OPA3: variants seen among roughly 807,000 people sequenced by gnomAD.
OPA3 encodes the protein optic atrophy 3 protein.
In OPA3, 6 loss-of-function variants were observed where a neutral mutation model predicts 4.0. The ratio of observed to expected loss-of-function variants is 1.51; its 90% CI spans 0.83 to 2.99. The LOEUF (loss-of-function observed/expected upper bound fraction) is 2.99, where lower values mean the gene tolerates loss of function less well. Among genes scored for constraint, OPA3 ranks in the 30% most tolerant of loss-of-function variants. The pLI is 0.00. For synonymous variants in OPA3, 105 were observed against 117.1 expected (o/e 0.90, Z 0.67); for missense variants, 235 against 256.2 (o/e 0.92, Z 0.56).
chr19:45,556,908 C>T (rs888635869), intron 1 of OPA3, among the ~76,000 whole-genome samples: 1 of 152,220 alleles, frequency 6.6e-6, no homozygotes, highest in Non-Finnish European at 1.5e-5. Context: ...CCCCCCGGGG[C>T]TCCGCCACCT....
At chr19:45,578,698 A>T (rs956167494) in intron 1 of OPA3, among the ~76,000 whole-genome samples, 1 of 152,058 alleles carries the variant, frequency 6.6e-6, no homozygotes, top group Admixed American at 6.6e-5. Context: ...GTGGTGGCGC[A>T]TGCCTGTAAT....
chr19:45,562,413 G>A (rs866624271), intron 1 of OPA3, among the ~76,000 whole-genome samples: 37 of 151,480 alleles, frequency 2.4e-4, no homozygotes, highest in African/African-American at 7.5e-4. Flanking sequence ...ATGATAGGCC[G>A]GGGGCGGTGG....
chr19:45,536,201 C>G (rs1480404048), intron 1 of OPA3, among the ~76,000 whole-genome samples: 1 of 143,054 alleles, frequency 7.0e-6, no homozygotes, highest in Admixed American at 7.3e-5. Flanking sequence ...TGCACTCCAG[C>G]TGGATGACAC....
downstream of OPA3, among the ~76,000 whole-genome samples, chr19:45,543,467 C>A (rs1312131019): frequency 6.6e-6 from 1 of 151,824 alleles, no homozygotes; most frequent in Non-Finnish European, 1.5e-5. Context: ...ATTACAGGCA[C>A]ACGCCACCAC....
At chr19:45,542,152 C>A (rs1320309205), downstream of OPA3, among the ~76,000 whole-genome samples, 1 of 152,176 alleles carries the variant, frequency 6.6e-6, no homozygotes, top group Non-Finnish European at 1.5e-5. Context: ...CTACTTCCAG[C>A]CCTGGTCCAT....
exon 2 of OPA3, chr19:45,527,845 G>C (rs1271889341): frequency 6.6e-6 from 1 of 152,198 alleles, no homozygotes; most frequent in East Asian, 1.9e-4. Flanking sequence ...GAGTCACAGA[G>C]CTCATCCACG....
chr19:45,574,709 A>G (rs1293477005), intron 1 of OPA3, among the ~76,000 whole-genome samples: 3 of 152,202 alleles, frequency 2.0e-5, no homozygotes, highest in Non-Finnish European at 4.4e-5. Flanking sequence ...CACCCTGTGC[A>G]GTTCTTTCCC....
At chr19:45,535,948 C>T (rs1019280870) in intron 1 of OPA3, among the ~76,000 whole-genome samples, 2 of 151,370 alleles carry the variant, frequency 1.3e-5, no homozygotes, top group South Asian at 2.1e-4. Flanking sequence ...GTTTTCTTGC[C>T]GGGTGTGATG....
In OPA3 at chr19:45,549,094, T is replaced by C; in HGVS notation, c.*4420A>G. On this transcript the variant is annotated 3_prime_UTR_variant, in exon 2 of 2. Transcript: ENST00000263275. ...TGCTAGGATTACAGGTGTGAGCCAC[T>C]GCGCCCAGTCCCAAGGACTTTTTAA... 1 of 984,852 alleles carries C rather than the reference T, an allele frequency of 1.0e-6. No individual in the cohort carries two copies. Among genetic ancestry groups the C allele is most frequent in the Non-Finnish European group, 1.2e-6 (1 of 829,448 alleles). The allele number at this position is 984,852 out of a possible 1,614,324, so 61.0% of individuals were successfully genotyped here.
downstream of OPA3, among the ~76,000 whole-genome samples, chr19:45,544,795 A>AAAATAAAT (rs200192671): frequency 0.17 from 24,031 of 140,534 alleles, 2,253 homozygotes; most frequent in Middle Eastern, 0.19. Flanking sequence ...ACTCCGTCTC[A>AAAATAAAT]AAATAAATAA....
intron 1 of OPA3, among the ~76,000 whole-genome samples, chr19:45,581,521 C>T (rs1038347882): frequency 1.6e-4 from 25 of 152,204 alleles, no homozygotes; most frequent in African/African-American, 5.5e-4. Context: ...TTGGGGGATA[C>T]GTCTGTCCCC....
intron 1 of OPA3, among the ~76,000 whole-genome samples, chr19:45,573,750 G>C (rs542399113): frequency 1.3e-5 from 2 of 152,156 alleles, no homozygotes; most frequent in Non-Finnish European, 2.9e-5. Flanking sequence ...GTGCTATTCG[G>C]TACAGAAAGG....
At chr19:45,538,487 G>A (rs377323689) in intron 1 of OPA3, among the ~76,000 whole-genome samples, 13 of 152,250 alleles carry the variant, frequency 8.5e-5, no homozygotes, top group East Asian at 7.7e-4. Flanking sequence ...GTGGGAGGCC[G>A]AGGTGGGCAG....
At chr19:45,528,950 G>T (rs982800469) in exon 2 of OPA3, 3 of 1,349,310 alleles carry the variant, frequency 2.2e-6, no homozygotes, top group Non-Finnish European at 3.0e-6. Flanking sequence ...GGACTGGGTG[G>T]TGTCAGCTGG....
At chr19:45,570,528 C>CA (rs945562178) in intron 1 of OPA3, among the ~76,000 whole-genome samples, 6 of 151,102 alleles carry the variant, frequency 4.0e-5, no homozygotes, top group Non-Finnish European at 5.9e-5. Flanking sequence ...AATAATAATA[C>CA]AAAAAAAAAT....
chr19:45,540,665 T>C (rs1969175893), intron 1 of OPA3, among the ~76,000 whole-genome samples: 1 of 149,176 alleles, frequency 6.7e-6, no homozygotes, highest in African/African-American at 2.5e-5. Flanking sequence ...CAGGTGGGCG[T>C]GGTGACAGGC....
At chr19:45,577,118 G>A (rs1079270) in intron 1 of OPA3, among the ~76,000 whole-genome samples, 66,577 of 152,072 alleles carry the variant, frequency 0.44, 17,748 homozygotes, top group African/African-American at 0.74. Flanking sequence ...TTTACTTTTG[G>A]GTTAAAATAA....
chr19:45,554,199 G>A (rs1478700704), intron 1 of OPA3, among the ~76,000 whole-genome samples: 1 of 152,176 alleles, frequency 6.6e-6, no homozygotes, highest in Non-Finnish European at 1.5e-5. Context: ...CCTCCCTTAA[G>A]CCACTGCCAT....
At position 45,551,847 on chromosome 19, in the gene OPA3, G is replaced by T. The variant is rs966411552; in HGVS notation, c.*1667C>A. The T allele has an allele frequency of 1.0e-6, 1 of 985,468 alleles. No homozygotes were observed. Among genetic ancestry groups the T allele is most frequent in the South Asian group, 4.7e-5 (1 of 21,292 alleles). The allele number at this position is 985,468 out of a possible 1,614,324, so 61.0% of individuals were successfully genotyped here. A position where few individuals can be genotyped will look rare whatever the true frequency, so the allele number is the denominator to read the frequency against. On this transcript the variant is annotated 3_prime_UTR_variant, in exon 2 of 2. Coordinates refer to ENST00000263275, the MANE Select transcript of OPA3 (RefSeq NM_025136.4). ...CAAGAGCACACAGATTAGGAGACAC[G>T]GATGGAAGATGAAGGATGTGACAAT... is the stretch of plus-strand genomic sequence containing the variant.
Sources: allele counts gnomAD v4.1 joint callset (sites outside exome capture counted in the v4.1 genomes callset), GRCh38; gene constraint gnomAD v4.1.1; transcripts MANE v1.5; gene names NCBI Gene and HGNC (gene_info 2026-07-23, HGNC 2026-07-21).